PTPRD: variants seen among roughly 807,000 people sequenced by gnomAD.
The protein encoded by PTPRD is receptor-type tyrosine-protein phosphatase delta.
A neutral mutation model predicts 214.5 loss-of-function variants in PTPRD; 34 were observed. That is an observed-to-expected ratio of 0.16 (90% CI 0.12 to 0.21). PTPRD has a LOEUF of 0.21. Ranked by LOEUF, PTPRD falls within the 10% of genes least tolerant of loss-of-function variation. PTPRD has a pLI of 1.00. For synonymous variants in PTPRD, 1,128 were observed against 845.7 expected (o/e 1.33, Z -5.79); for missense variants, 2,545 against 2,398.7 (o/e 1.06, Z -1.27).
At chr9:8,680,227 GC>G (rs1192532196) in intron 12 of PTPRD, among the ~76,000 whole-genome samples, 7 of 152,184 alleles carry the variant, frequency 4.6e-5, no homozygotes, top group African/African-American at 1.7e-4. Flanking sequence ...TATGTAAGAA[GC>G]AAAAGCGCTA....
intron 4 of PTPRD, among the ~76,000 whole-genome samples, chr9:10,014,895 C>T (rs1322680136): frequency 6.6e-6 from 1 of 152,048 alleles, no homozygotes; most frequent in Non-Finnish European, 1.5e-5. Context: ...CTTTATGGGG[C>T]ATTTAAAAAC....
At chr9:9,272,397 T>C (rs1251823447) in intron 9 of PTPRD, among the ~76,000 whole-genome samples, 1 of 151,300 alleles carries the variant, frequency 6.6e-6, no homozygotes, top group Non-Finnish European at 1.5e-5. Context: ...ATTTTGAAAC[T>C]ACTATTTAAC....
At chr9:8,477,752 G>A (rs1591534155) in intron 30 of PTPRD, among the ~76,000 whole-genome samples, 1 of 152,138 alleles carries the variant, frequency 6.6e-6, no homozygotes, top group Non-Finnish European at 1.5e-5. Flanking sequence ...TTTGTCTGGG[G>A]CAGTCCTGTT....
At chr9:9,459,170 G>A (rs776779220) in intron 8 of PTPRD, among the ~76,000 whole-genome samples, 1 of 151,948 alleles carries the variant, frequency 6.6e-6, no homozygotes, top group Non-Finnish European at 1.5e-5. Context: ...CATATGTCCA[G>A]TATATCACTA....
chr9:8,619,252 A>T (rs994722963), intron 14 of PTPRD, among the ~76,000 whole-genome samples: 1 of 152,018 alleles, frequency 6.6e-6, no homozygotes, highest in Admixed American at 6.6e-5. Context: ...AATACAAAAC[A>T]TTATGAACTA....
At chr9:10,417,443 T>G (rs1383746798) in intron 2 of PTPRD, among the ~76,000 whole-genome samples, 2 of 151,864 alleles carry the variant, frequency 1.3e-5, no homozygotes, top group Non-Finnish European at 2.9e-5. Context: ...TCTTTCTTCA[T>G]AACATAAATA....
chr9:9,107,279 T>G (rs1338447069), intron 10 of PTPRD, among the ~76,000 whole-genome samples: 1 of 152,178 alleles, frequency 6.6e-6, no homozygotes. Flanking sequence ...TAAATTCTGC[T>G]GCTAGAATAT....
At chr9:10,050,026 C>G (rs910703469) in intron 3 of PTPRD, among the ~76,000 whole-genome samples, 1 of 152,028 alleles carries the variant, frequency 6.6e-6, no homozygotes, top group South Asian at 2.1e-4. Flanking sequence ...TTCTGTGAAG[C>G]CTGAGATCTC....
rs80218350 is a variant in PTPRD at position 9,270,977 on chromosome 9, C to T, written c.-202-87614G>A. ...GATTAACTTATTAATATAAAGAAGA[C>T]GGTGAGATAAAAGCTTTGAGGGTTG... On this transcript the variant is annotated intron_variant, in intron 9 of 45. Coordinates refer to ENST00000381196, the MANE Select transcript of PTPRD (RefSeq NM_002839.4). Among the ~76,000 whole-genome samples, 208 of 151,222 alleles carry T rather than the reference C, an allele frequency of 1.4e-3. 2 individuals carry two copies. In the East Asian group the frequency reaches 0.029, roughly 21 times the overall value.
intron 12 of PTPRD, among the ~76,000 whole-genome samples, chr9:8,703,789 T>G (rs568244481): frequency 6.6e-6 from 1 of 152,298 alleles, no homozygotes; most frequent in South Asian, 2.1e-4. Context: ...TTTTCTGAGT[T>G]CTGGATTCAA....
intron 3 of PTPRD, among the ~76,000 whole-genome samples, chr9:10,279,290 A>G (rs568171475): frequency 2.6e-5 from 4 of 152,328 alleles, no homozygotes; most frequent in African/African-American, 9.6e-5. Flanking sequence ...AAAATCAGAT[A>G]TCACCTTCAT....
chr9:8,468,817 A>AAC (rs1412204922), intron 31 of PTPRD, among the ~76,000 whole-genome samples: 1 of 148,880 alleles, frequency 6.7e-6, no homozygotes, highest in African/African-American at 2.5e-5. Flanking sequence ...AAAAAAAAAA[A>AAC]CTCTCTGTAG....
intron 44 of PTPRD, among the ~76,000 whole-genome samples, chr9:8,323,153 T>G (rs183549670): frequency 2.0e-4 from 31 of 152,260 alleles, no homozygotes; most frequent in African/African-American, 7.5e-4. Flanking sequence ...TGACTGAACA[T>G]TTTAAGGCCA....
intron 5 of PTPRD, among the ~76,000 whole-genome samples, chr9:9,811,357 A>G (rs1396203162): frequency 6.6e-6 from 1 of 152,192 alleles, no homozygotes; most frequent in African/African-American, 2.4e-5. Flanking sequence ...ATGGGACAGC[A>G]TTGCCAAAAT....
At chr9:10,555,733 T>C (rs1214270695) in intron 2 of PTPRD, among the ~76,000 whole-genome samples, 1 of 152,028 alleles carries the variant, frequency 6.6e-6, no homozygotes, top group African/African-American at 2.4e-5. Flanking sequence ...AAAAGAAGTT[T>C]TACAAACAAG....
At chr9:9,564,884 G>GGTTTTTTT (rs2083968412) in intron 8 of PTPRD, among the ~76,000 whole-genome samples, 1 of 48,842 alleles carries the variant, frequency 2.0e-5, no homozygotes, top group African/African-American at 6.9e-5. Flanking sequence ...TGAATCTTCT[G>GGTTTTTTT]TTTTTTTTTT....
At chr9:10,565,333 T>C (rs570336877) in intron 2 of PTPRD, among the ~76,000 whole-genome samples, 10 of 152,130 alleles carry the variant, frequency 6.6e-5, no homozygotes, top group Non-Finnish European at 1.5e-5. Flanking sequence ...TTTTCTACTG[T>C]ATAAATATTC....
At chr9:10,582,297 T>C (rs538706194) in intron 2 of PTPRD, among the ~76,000 whole-genome samples, 5 of 152,168 alleles carry the variant, frequency 3.3e-5, no homozygotes, top group African/African-American at 7.2e-5. Flanking sequence ...CATACCTCTG[T>C]CCTCATATTT....
chr9:8,943,535 T>A (rs2099046074), intron 11 of PTPRD, among the ~76,000 whole-genome samples: 1 of 151,526 alleles, frequency 6.6e-6, no homozygotes, highest in South Asian at 2.1e-4. Flanking sequence ...AAGGACAGTT[T>A]CTTCAATAAA....
Sources: allele counts gnomAD v4.1 joint callset (sites outside exome capture counted in the v4.1 genomes callset), GRCh38; gene constraint gnomAD v4.1.1; transcripts MANE v1.5; gene names NCBI Gene and HGNC (gene_info 2026-07-23, HGNC 2026-07-21).